RNF44: variants seen among roughly 807,000 people sequenced by gnomAD.
The protein encoded by RNF44 is ring finger protein 44.
RNF44 carries 25 observed loss-of-function variants against 53.6 expected under a neutral mutation model. That is an observed-to-expected ratio of 0.47 (90% CI 0.34 to 0.65). The LOEUF (loss-of-function observed/expected upper bound fraction) is 0.65. RNF44 is among the 30% of genes least tolerant of loss of function. The pLI is 0.01. For synonymous variants in RNF44, 282 were observed against 252.2 expected, an observed-to-expected ratio of 1.12 and a Z score of -1.12; for missense variants, 581 against 595.5, an observed-to-expected ratio of 0.98 and a Z score of 0.25.
upstream of RNF44, among the ~76,000 whole-genome samples, chr5:176,541,460 G>T (rs988446872): frequency 2.6e-4 from 39 of 152,218 alleles, no homozygotes. Context: ...TGTCCCCAGG[G>T]AAAGGGGAGA....
rs920391696 is a variant in RNF44 at position 176,528,203 on chromosome 5, A to G, written c.*825T>C. 2.6e-5 allele frequency: 4 copies of G among 152,186 alleles called. No individual in the cohort carries two copies. Among genetic ancestry groups the G allele is most frequent in the African/African-American group, 9.7e-5 (4 of 41,414 alleles). 9.4% of individuals were successfully genotyped at this position (152,186 alleles called of 1,614,324 possible). A position where few individuals can be genotyped will look rare whatever the true frequency, so the allele number is the denominator to read the frequency against. ...ATTGTCTTAAATATCCACATCCCCA[A>G]ATCCTACACGTGATTTTGGGCCAAA... On this transcript the variant is annotated 3_prime_UTR_variant, in exon 11 of 11. Coordinates refer to ENST00000274811, the MANE Select transcript of RNF44 (RefSeq NM_014901.5).
At chr5:176,536,707 G>A (rs377380723) in intron 1 of RNF44, among the ~76,000 whole-genome samples, 1 of 151,884 alleles carries the variant, frequency 6.6e-6, no homozygotes, top group East Asian at 1.9e-4. Flanking sequence ...GGAGGGGGGC[G>A]GCTCCTTCCT....
In RNF44 at chr5:176,531,500, C is replaced by A. The variant is rs1329794828; in HGVS notation, c.428G>T (p.Ser143Ile). Residue 143 changes from serine to isoleucine, a missense_variant, in exon 4 of 11, where the codon AGT becomes ATT. Around this residue, in one of 3 missense-constraint regions of RNF44, gnomAD observed 387 missense variants for 366.0 expected, o/e 1.06. Transcript: ENST00000274811. The surrounding 1 kb of genome is among the most constrained non-coding windows in gnomAD (Gnocchi z 4.2). ...GCAGCAGAGGGGGTAATGCTGCCCA[C>A]TGAACATCACGGAGCATGCTGGGAG... ...QQLPACSVMF[S>I]GQHYPLCCLP... 1 of 1,593,114 alleles carries A rather than the reference C, an allele frequency of 6.3e-7. No individual in the cohort carries two copies.
chr5:176,527,848 A>G lies in RNF44; in HGVS notation c.*1180T>C, dbSNP rs1721485350. The G allele has an allele frequency of 6.6e-6, 1 of 152,298 alleles. No individual in the cohort carries two copies. The highest frequency in any genetic ancestry group is 2.4e-5 in the African/African-American group (1 of 41,416). 9.4% of individuals were successfully genotyped at this position (152,298 alleles called of 1,614,324 possible). Reference sequence around the variant, plus strand: ...ATCAGGCTGGGAAGGCCCCCTGGAGATGGGGGTCCACAGCCTTCCTGGTCC... The same window carrying G: ...ATCAGGCTGGGAAGGCCCCCTGGAGGTGGGGGTCCACAGCCTTCCTGGTCC... On this transcript the variant is annotated 3_prime_UTR_variant, in exon 11 of 11. Transcript: ENST00000274811.
chr5:176,534,518 A>C (rs946704701), intron 1 of RNF44, among the ~76,000 whole-genome samples: 1 of 152,206 alleles, frequency 6.6e-6, no homozygotes, highest in African/African-American at 2.4e-5. Context: ...GAAATCCCCA[A>C]ATAACTGAAA....
In RNF44 at chr5:176,530,132, G is replaced by GGGTGGC; in HGVS notation, c.875_876insGCCACC (p.Pro298_Pro299dup). 4.1e-6 allele frequency: 3 copies of GGGTGGC among 740,636 alleles called. No homozygotes were observed. Among genetic ancestry groups the GGGTGGC allele is most frequent in the Non-Finnish European group, 5.3e-6 (3 of 564,830 alleles). The allele number at this position is 740,636 out of a possible 1,614,324, so 45.9% of individuals were successfully genotyped here. Reference sequence around the variant, plus strand: ...AGTAGGGTGGTGGGGGTGGGGGTGGGGGCGGCGGGGGCAGTGGCTGCTGCA... The same window carrying GGGTGGC: ...AGTAGGGTGGTGGGGGTGGGGGTGGGGGTGGCGGCGGCGGGGGCAGTGGCTGCTGCA... On this transcript the variant is annotated inframe_insertion, in exon 7 of 11. Coordinates refer to ENST00000274811, the MANE Select transcript of RNF44 (RefSeq NM_014901.5).
At chr5:176,535,223 C>T (rs1757045697) in intron 1 of RNF44, among the ~76,000 whole-genome samples, 1 of 152,208 alleles carries the variant, frequency 6.6e-6, no homozygotes, top group Admixed American at 6.5e-5. Context: ...TGGGAACAGC[C>T]CAATAACTAC....
chr5:176,528,158 T>C lies in RNF44; in HGVS notation c.*870A>G, dbSNP rs755106713. On this transcript the variant is annotated 3_prime_UTR_variant, in exon 11 of 11. Coordinates refer to ENST00000274811, the MANE Select transcript of RNF44 (RefSeq NM_014901.5). Reference sequence around the variant, plus strand: ...AGTTGGTCCCTATACCCGCCCCTATTAAACCAAAAGAAAAAAGAAATTGTC... The same window carrying C: ...AGTTGGTCCCTATACCCGCCCCTATCAAACCAAAAGAAAAAAGAAATTGTC... The C allele has an allele frequency of 1.3e-5, 2 of 152,256 alleles. No homozygotes were observed. Among genetic ancestry groups the C allele is most frequent in the Non-Finnish European group, 2.9e-5 (2 of 68,018 alleles). The allele number at this position is 152,256 out of a possible 1,614,324, so 9.4% of individuals were successfully genotyped here. A position where few individuals can be genotyped will look rare whatever the true frequency, so the allele number is the denominator to read the frequency against.
chr5:176,530,476 C>T (rs1406446138), intron 6 of RNF44, 106 bp downstream of exon 6: 15 of 1,230,318 alleles, frequency 1.2e-5, no homozygotes, highest in South Asian at 9.7e-5. Context: ...CAAGTCAGCC[C>T]GGTGGGCCTG....
Position 176,531,432 on chromosome 5 carries a change from G to C in RNF44, c.465+31C>G. On this transcript the variant is annotated intron_variant, in intron 4 of 10. Transcript: ENST00000274811. This position sits in a 1 kb window ranked among gnomAD's most constrained non-coding sequence, Gnocchi z 4.2. ...TGGCCTGTGCCTGGGGCTTGCAGCT[G>C]GTGGAGGAGGAGCTAGAAACACTCA... 1 of 1,538,130 alleles carries C rather than the reference G, an allele frequency of 6.5e-7. No homozygotes were observed. The highest frequency in any genetic ancestry group is 8.8e-7 in the Non-Finnish European group (1 of 1,141,472).
Position 176,533,502 on chromosome 5 carries a change from G to A in RNF44, c.-44-986C>T, listed in dbSNP as rs189974264. On this transcript the variant is annotated intron_variant, in intron 1 of 10. Coordinates refer to ENST00000274811, the MANE Select transcript of RNF44 (RefSeq NM_014901.5). ...AAGCCTCTCCCTGTGCTCTGCTGCCGACGGAGAGGACCAGCCCCAGGCTTC... is the reference window on the plus strand; with the variant it reads ...AAGCCTCTCCCTGTGCTCTGCTGCCAACGGAGAGGACCAGCCCCAGGCTTC... Among the ~76,000 whole-genome samples the A allele has an allele frequency of 4.0e-3, 602 of 152,298 alleles. 2 individuals carry two copies. The highest frequency in any genetic ancestry group is 5.4e-3 in the Non-Finnish European group (370 of 68,026).
Position 176,526,836 on chromosome 5 carries a change from T to A in RNF44, c.*2192A>T, listed in dbSNP as rs1756068933. 6.6e-6 allele frequency: 1 copy of A among 152,288 alleles called. No individual in the cohort carries two copies. Among genetic ancestry groups the A allele is most frequent in the Non-Finnish European group, 1.5e-5 (1 of 68,004 alleles). The allele number at this position is 152,288 out of a possible 1,614,324, so 9.4% of individuals were successfully genotyped here. On this transcript the variant is annotated 3_prime_UTR_variant, in exon 11 of 11. Coordinates refer to ENST00000274811, the MANE Select transcript of RNF44 (RefSeq NM_014901.5). ...ACTTTCATTTTAAAAAAAGTACAAA[T>A]CTGTTAAAAATTTCAATCAGTATAC...
At position 176,528,498 on chromosome 5, in the gene RNF44, G is replaced by A. The variant is rs1368254414; in HGVS notation, c.*530C>T. 1 of 155,856 alleles carries A rather than the reference G, an allele frequency of 6.4e-6. No homozygotes were observed. Among genetic ancestry groups the A allele is most frequent in the East Asian group, 1.9e-4 (1 of 5,240 alleles). The allele number at this position is 155,856 out of a possible 1,614,324, so 9.7% of individuals were successfully genotyped here. On this transcript the variant is annotated 3_prime_UTR_variant, in exon 11 of 11. Transcript: ENST00000274811. ...CTCAGCCCTCACAGCAGCCAACACA[G>A]AGCCAGCTGCCTGAGTTCACTGTTC...
In RNF44 at chr5:176,529,341, C is replaced by T. The variant is rs1756339684; in HGVS notation, c.1183G>A (p.Val395Ile). 9 of 1,613,560 alleles carry T rather than the reference C, an allele frequency of 5.6e-6. No individual in the cohort carries two copies. Among genetic ancestry groups the T allele is most frequent in the East Asian group, 4.5e-5 (2 of 44,874 alleles). ...TGGAACTCATGGTTGCAGGGGAGGACTCGGAGCAGCTGCCGCGCCTCGAAG... is the reference window on the plus strand; with the variant it reads ...TGGAACTCATGGTTGCAGGGGAGGATTCGGAGCAGCTGCCGCGCCTCGAAG... ...SDFEARQLLRVLPCNHEFHTK... is the reference protein window; with the variant it reads ...SDFEARQLLRILPCNHEFHTK... Residue 395 changes from valine (V) to isoleucine (I), a missense_variant, in exon 10 of 11, where the codon GTC becomes ATC. By Grantham distance (29) the Val-to-Ile change is conservative (BLOSUM62 3). Coordinates refer to ENST00000274811, the MANE Select transcript of RNF44 (RefSeq NM_014901.5).
chr5:176,542,167 G>A (rs1319986353), upstream of RNF44, among the ~76,000 whole-genome samples: 4 of 152,134 alleles, frequency 2.6e-5, no homozygotes, highest in African/African-American at 4.8e-5. Flanking sequence ...TCAATCTCTC[G>A]TCTGTAAAAT....
At chr5:176,540,828 G>A (rs192315363), upstream of RNF44, among the ~76,000 whole-genome samples, 1 of 152,336 alleles carries the variant, frequency 6.6e-6, no homozygotes, top group Admixed American at 6.5e-5. Flanking sequence ...AAACCTTCAC[G>A]CGTGGATGTG....
chr5:176,533,457 G>A (rs552341041), intron 1 of RNF44, among the ~76,000 whole-genome samples: 1 of 152,310 alleles, frequency 6.6e-6, no homozygotes, highest in South Asian at 2.1e-4. Context: ...AAGTGTTAAA[G>A]CTGGGAGGTG....
In RNF44 at chr5:176,531,669, A is replaced by G. The variant is rs1381813663; in HGVS notation, c.298-39T>C. ...GAACGCCGGGAAAGTATGAAAAGGA[A>G]GCTGACCGCGAGGGCTACTCTCAGG... On this transcript the variant is annotated intron_variant, in intron 3 of 10. Transcript: ENST00000274811. The surrounding 1 kb of genome is among the most constrained non-coding windows in gnomAD (Gnocchi z 4.2). 3.2e-6 allele frequency: 5 copies of G among 1,572,964 alleles called. No homozygotes were observed. Among genetic ancestry groups the G allele is most frequent in the Non-Finnish European group, 4.3e-6 (5 of 1,156,146 alleles).
At chr5:176,539,417 C>T (rs1290794907), upstream of RNF44, among the ~76,000 whole-genome samples, 2 of 152,150 alleles carry the variant, frequency 1.3e-5, no homozygotes, top group African/African-American at 2.4e-5. Flanking sequence ...TGGCCGGGCA[C>T]GGTGGCTCAC....
Sources: gnomAD v4.1 joint callset for allele counts (sites outside exome capture counted in the v4.1 genomes callset) on GRCh38, gnomAD v4.1.1 for gene constraint, gnomAD v4.1.1 regional missense constraint, Gnocchi (gnomAD v3.1) non-coding constraint, MANE v1.5 for transcripts, NCBI Gene and HGNC (gene_info 2026-07-23, HGNC 2026-07-21) for gene names.